The following WFDC11 variants were observed in gnomAD, a reference collection of about 807,000 sequenced individuals.
WFDC11 encodes the protein protein WFDC11.
Under a neutral mutation model 9.9 loss-of-function variants are expected in WFDC11, and 9 were observed. That is an observed-to-expected ratio of 0.91 (90% confidence interval 0.55 to 1.58). WFDC11 has a LOEUF of 1.58. WFDC11 is among the 40% of genes most tolerant of loss of function. The probability of loss-of-function intolerance (pLI) is 0.00; values close to 1 mark genes in which losing one functional copy is unlikely to be tolerated. For missense variants in WFDC11, 106 were observed against 101.7 expected (o/e 1.04, Z -0.18); for synonymous variants, 32 against 33.3 (o/e 0.96, Z 0.13).
In WFDC11 at chr20:45,649,259, C is replaced by T. The variant is rs779506583; in HGVS notation, c.241G>A (p.Val81Ile). The T allele has an allele frequency of 3.7e-6, 6 of 1,613,956 alleles. No homozygotes were observed. Among genetic ancestry groups the T allele is most frequent in the East Asian group, 2.2e-5 (1 of 44,878 alleles). The change falls in exon 4 of 5, where the codon GTC becomes ATC. Residue 81 changes from valine (V) to isoleucine (I), a missense_variant and splice_region_variant. Transcript: ENST00000324384. Reference protein sequence around the residue: ...TYCGNICWINVETSGDY With the variant: ...TYCGNICWINIETSGDY Reference sequence around the variant, plus strand: ...CAAGCAAACATCTCCCAACTCACGACGTTTATCCAGCAGATGTTTCCACAA... The same window carrying T: ...CAAGCAAACATCTCCCAACTCACGATGTTTATCCAGCAGATGTTTCCACAA...
chr20:45,651,977 C>G (rs561999405), intron 2 of WFDC11, among the ~76,000 whole-genome samples: 1 of 152,208 alleles, frequency 6.6e-6, no homozygotes, highest in African/African-American at 2.4e-5. Flanking sequence ...GCTCAAGAGG[C>G]CTGCCTGCCT....
rs540321181 is a variant in WFDC11, at chr20:45,658,913, C to CG, written c.-52+8174_-52+8175insC. ...GCCCAGGTGTGTGATGCCCACCCCC[C>CG]CGTCCATGTGTTCTCATTGTTGAAC... On this transcript the variant is annotated intron_variant, in intron 2 of 4. Transcript: ENST00000324384. Among the ~76,000 whole-genome samples the CG allele has an allele frequency of 1.9e-3, 286 of 152,166 alleles. 1 individual carries two copies. Among genetic ancestry groups the CG allele is most frequent in the African/African-American group, 6.7e-3 (279 of 41,510 alleles).
intron 2 of WFDC11, among the ~76,000 whole-genome samples, chr20:45,663,686 C>T (rs1346158134): frequency 2.6e-5 from 4 of 152,078 alleles, no homozygotes; most frequent in Non-Finnish European, 5.9e-5. Flanking sequence ...TGTTATTTAC[C>T]TAGTAGTCAT....
In WFDC11 at chr20:45,661,809, T is replaced by C. The variant is rs1374109779; in HGVS notation, c.-52+5279A>G. Among the ~76,000 whole-genome samples, 438 of 152,302 alleles carry C rather than the reference T, an allele frequency of 2.9e-3. 1 individual carries two copies. Among genetic ancestry groups the C allele is most frequent in the Non-Finnish European group, 5.2e-3 (355 of 68,028 alleles). On this transcript the variant is annotated intron_variant, in intron 2 of 4. Transcript: ENST00000324384. ...TTTTGGTACCAGTACCATGCTGTTT[T>C]GGTTACTGTAGCCTTGTAGTATAGT...
At chr20:45,660,419 T>TTTA (rs1379171212) in intron 2 of WFDC11, among the ~76,000 whole-genome samples, 18 of 152,104 alleles carry the variant, frequency 1.2e-4, no homozygotes, top group Non-Finnish European at 2.5e-4. Flanking sequence ...GAAATTTTAT[T>TTTA]TTATTATTAT....
rs765393654 is a variant in WFDC11 at position 45,648,684 on chromosome 20, C to T, written c.*35G>A. 8 of 1,613,864 alleles carry T rather than the reference C, an allele frequency of 5.0e-6. No homozygotes were observed. The highest frequency in any genetic ancestry group is 4.2e-6 in the Non-Finnish European group (5 of 1,179,782). On this transcript the variant is annotated 3_prime_UTR_variant, in exon 5 of 5. Transcript: ENST00000324384. ...TGAGACCTCTTAAACATTTCCCAGC[C>T]CACACAGGTGGCAGCCTGGTGGGAA...
chr20:45,660,958 T>C (rs1299933206), intron 2 of WFDC11, among the ~76,000 whole-genome samples: 2 of 152,172 alleles, frequency 1.3e-5, no homozygotes. Flanking sequence ...GGTCAAATGG[T>C]ATTTCTAGTT....
At chr20:45,656,328 A>G (rs1982930796) in intron 2 of WFDC11, among the ~76,000 whole-genome samples, 1 of 152,228 alleles carries the variant, frequency 6.6e-6, no homozygotes, top group Non-Finnish European at 1.5e-5. Context: ...AAAAACAAGC[A>G]ATGGGGAAAG....
chr20:45,661,495 G>C (rs868260502), intron 2 of WFDC11, among the ~76,000 whole-genome samples: 1 of 152,126 alleles, frequency 6.6e-6, no homozygotes, highest in African/African-American at 2.4e-5. Context: ...CCTTGCCCAC[G>C]CCTATGTCCT....
intron 2 of WFDC11, among the ~76,000 whole-genome samples, chr20:45,666,048 T>A (rs1983181289): frequency 6.6e-6 from 1 of 152,186 alleles, no homozygotes; most frequent in South Asian, 2.1e-4. Flanking sequence ...TATAGAGGCC[T>A]AGGCCTTGCT....
intron 2 of WFDC11, among the ~76,000 whole-genome samples, chr20:45,661,783 G>A (rs569094501): frequency 5.3e-5 from 8 of 151,584 alleles, no homozygotes; most frequent in South Asian, 2.1e-4. Context: ...CTATATCTCC[G>A]TTTTGGTACC....
chr20:45,669,225 T>A (rs1400007996), intron 1 of WFDC11, among the ~76,000 whole-genome samples: 1 of 152,274 alleles, frequency 6.6e-6, no homozygotes, highest in African/African-American at 2.4e-5. Context: ...TAAAAAACCA[T>A]CTTTATCATT....
At chr20:45,667,498 C>G (rs1394881869) in intron 1 of WFDC11, among the ~76,000 whole-genome samples, 1 of 152,046 alleles carries the variant, frequency 6.6e-6, no homozygotes, top group Admixed American at 6.5e-5. Flanking sequence ...TGTGTGAGGA[C>G]CTTCATAAAG....
chr20:45,658,795 A>C (rs375195294), intron 2 of WFDC11, among the ~76,000 whole-genome samples: 3 of 152,138 alleles, frequency 2.0e-5, no homozygotes, highest in African/African-American at 7.2e-5. Flanking sequence ...ATAGGTATAC[A>C]CGTGCCATGG....
intron 2 of WFDC11, among the ~76,000 whole-genome samples, chr20:45,665,559 T>A (rs1291249649): frequency 1.3e-5 from 2 of 152,222 alleles, no homozygotes; most frequent in East Asian, 3.9e-4. Context: ...TGGTTTTATC[T>A]ACCTTTGGTC....
At chr20:45,665,728 G>C (rs554812717) in intron 2 of WFDC11, among the ~76,000 whole-genome samples, 9 of 152,176 alleles carry the variant, frequency 5.9e-5, no homozygotes, top group African/African-American at 2.2e-4. Flanking sequence ...GACCCTGTTT[G>C]CCTGGGTGTC....
intron 2 of WFDC11, among the ~76,000 whole-genome samples, chr20:45,664,248 C>CTT (rs549440758): frequency 1.3e-4 from 19 of 151,148 alleles, no homozygotes; most frequent in African/African-American, 4.6e-4. Flanking sequence ...GTGACCCCTG[C>CTT]TTTTTTTTTG....
chr20:45,663,429 A>T (rs192634655), intron 2 of WFDC11, among the ~76,000 whole-genome samples: 39 of 151,880 alleles, frequency 2.6e-4, no homozygotes, highest in African/African-American at 7.7e-4. Context: ...TAACTCTTTC[A>T]GTTCTTCTCT....
chr20:45,660,363 C>G (rs1983028742), intron 2 of WFDC11, among the ~76,000 whole-genome samples: 1 of 152,068 alleles, frequency 6.6e-6, no homozygotes, highest in African/African-American at 2.4e-5. Context: ...TTTTATTCCA[C>G]TGTGGTATGA....
Sources: allele counts gnomAD v4.1 joint callset (sites outside exome capture counted in the v4.1 genomes callset), GRCh38; gene constraint gnomAD v4.1.1; transcripts MANE v1.5; gene names NCBI Gene and HGNC (gene_info 2026-07-23, HGNC 2026-07-21).